ZMYM1: variants seen among roughly 807,000 people sequenced by gnomAD.
ZMYM1 encodes the protein zinc finger MYM-type containing 1.
ZMYM1 carries 39 observed loss-of-function variants against 60.0 expected under a neutral mutation model. The observed-to-expected ratio is 0.65, with a 90% CI of 0.50 to 0.85. The LOEUF (loss-of-function observed/expected upper bound fraction) is 0.85, where lower values mean the gene tolerates loss of function less well. Among genes scored for constraint, ZMYM1 ranks in the 40% least tolerant of loss-of-function variants. ZMYM1 has a pLI of 0.00. For missense variants in ZMYM1, 1,171 were observed against 1,309.5 expected, an observed-to-expected ratio of 0.89 and a Z score of 1.63; for synonymous variants, 413 against 454.0, an observed-to-expected ratio of 0.91 and a Z score of 1.15.
At chr1:35,067,107 T>C (rs1313525781) in intron 1 of ZMYM1, among the ~76,000 whole-genome samples, 2 of 151,948 alleles carry the variant, frequency 1.3e-5, no homozygotes, top group African/African-American at 4.8e-5. Context: ...GCCTCCTGAG[T>C]AGCTGGGATT....
intron 1 of ZMYM1, among the ~76,000 whole-genome samples, chr1:35,089,965 C>T (rs1226929921): frequency 2.0e-5 from 3 of 148,044 alleles, no homozygotes; most frequent in East Asian, 2.0e-4. Flanking sequence ...AGTGTAGTGG[C>T]GCGATCTCGG....
At chr1:35,060,417 C>A (rs1017192303) in intron 1 of ZMYM1, among the ~76,000 whole-genome samples, 20 of 152,118 alleles carry the variant, frequency 1.3e-4, no homozygotes, top group African/African-American at 4.8e-4. Context: ...CCCTCGGCCT[C>A]CCAAAGTGCT....
chr1:35,079,849 A>C (rs114888398), intron 1 of ZMYM1, among the ~76,000 whole-genome samples: 4,730 of 152,292 alleles, frequency 0.031, 258 homozygotes, highest in African/African-American at 0.11. Flanking sequence ...TGGTGCCTCA[A>C]GCCTGTAATC....
upstream of ZMYM1, among the ~76,000 whole-genome samples, chr1:35,077,385 G>A (rs1469159628): frequency 6.6e-6 from 1 of 152,144 alleles, no homozygotes; most frequent in Non-Finnish European, 1.5e-5. Flanking sequence ...TTAGTTTATA[G>A]TTTAAAACAA....
chr1:35,072,892 G>A (rs1470248445), intron 1 of ZMYM1, among the ~76,000 whole-genome samples: 1 of 152,066 alleles, frequency 6.6e-6, no homozygotes, highest in African/African-American at 2.4e-5. Flanking sequence ...GACCAGCCTG[G>A]CCAATGTGGT....
chr1:35,082,254 C>T (rs552349099), intron 1 of ZMYM1, among the ~76,000 whole-genome samples: 3 of 139,418 alleles, frequency 2.2e-5, no homozygotes, highest in African/African-American at 8.2e-5. Context: ...GTTTCTTTTG[C>T]GGGGGGTGAG....
chr1:35,104,831 A>T, intron 6 of ZMYM1, 62 bp downstream of exon 6: 3 of 1,420,954 alleles, frequency 2.1e-6, no homozygotes, highest in Non-Finnish European at 2.9e-6. Flanking sequence ...CACTCTAGGA[A>T]AATGTGGGAA....
chr1:35,097,235 AAAG>A, intron 3 of ZMYM1, 79 bp from the exon 4 acceptor site: 1 of 1,472,654 alleles, frequency 6.8e-7, no homozygotes, highest in Non-Finnish European at 9.1e-7. Context: ...GTCTCTAAAA[AAAG>A]AAAGAAAGAA....
intron 3 of ZMYM1, among the ~76,000 whole-genome samples, chr1:35,096,110 C>T (rs1367133228): frequency 6.6e-5 from 10 of 151,874 alleles, no homozygotes; most frequent in Non-Finnish European, 1.0e-4. Flanking sequence ...GTCAGGAATT[C>T]GAGACCAGTT....
At chr1:35,108,600 G>A (rs759875820) in intron 6 of ZMYM1, among the ~76,000 whole-genome samples, 3 of 151,762 alleles carry the variant, frequency 2.0e-5, no homozygotes, top group Non-Finnish European at 4.4e-5. Context: ...TGATCTGCCC[G>A]CCTCGGCCTG....
downstream of ZMYM1, among the ~76,000 whole-genome samples, chr1:35,116,191 C>T (rs1644247235): frequency 1.3e-5 from 2 of 152,136 alleles, no homozygotes; most frequent in South Asian, 4.1e-4. Context: ...GCCATGATTG[C>T]ACCACTATGC....
At chr1:35,100,437 C>A (rs1240923698) in intron 4 of ZMYM1, among the ~76,000 whole-genome samples, 1 of 151,826 alleles carries the variant, frequency 6.6e-6, no homozygotes, top group African/African-American at 2.4e-5. Context: ...GTCTAGCCAA[C>A]ACCACAAATC....
chr1:35,106,946 G>A (rs113577653), intron 6 of ZMYM1, among the ~76,000 whole-genome samples: 2 of 151,610 alleles, frequency 1.3e-5, no homozygotes, highest in African/African-American at 4.8e-5. Flanking sequence ...CCGCCTCGCG[G>A]GTTCACGCCA....
chr1:35,081,054 G>A (rs960477648), intron 1 of ZMYM1, among the ~76,000 whole-genome samples: 8 of 151,858 alleles, frequency 5.3e-5, no homozygotes, highest in African/African-American at 1.9e-4. Context: ...TGATTCTCCT[G>A]CCTCAGCCTC....
Position 35,114,384 on chromosome 1 carries a change from T to C in ZMYM1, c.2554T>C (p.Leu852=), listed in dbSNP as rs756919191. The change falls in exon 10 of 10, where the codon TTG becomes CTG. Residue 852 remains leucine, a synonymous_variant. Coordinates refer to ENST00000359858, the MANE Select transcript of ZMYM1 (RefSeq NM_024772.5). The part of the protein sequence containing the change: ...FADELSHLLT[L]VSKFEFVFCL... ...CGATGAATTGAGTCATTTGCTGACA[T>C]TGGTTTCCAAATTTGAATTTGTCTT... 3.1e-6 allele frequency: 5 copies of C among 1,613,136 alleles called. No homozygotes were observed. In the South Asian group the frequency reaches 3.3e-5, roughly 11 times the overall value.
At chr1:35,110,172 TA>T in intron 6 of ZMYM1, 121 bp from the exon 7 acceptor site, 1 of 734,658 alleles carries the variant, frequency 1.4e-6, no homozygotes, top group Non-Finnish European at 1.9e-6. Context: ...TAAGAAAATG[TA>T]AAAACTGTCT....
chr1:35,073,346 G>GAAGGAAGGAAGA (rs1353465181), intron 1 of ZMYM1, among the ~76,000 whole-genome samples: 1 of 141,618 alleles, frequency 7.1e-6, no homozygotes, highest in Non-Finnish European at 1.5e-5. Context: ...AGAAAGGAAG[G>GAAGGAAGGAAGA]AAGGAAGGAA....
At chr1:35,078,029 C>T (rs901938322), upstream of ZMYM1, among the ~76,000 whole-genome samples, 2 of 152,132 alleles carry the variant, frequency 1.3e-5, no homozygotes, top group Non-Finnish European at 2.9e-5. Flanking sequence ...TAACTTGGGG[C>T]AAATTACCTT....
At chr1:35,108,105 C>T (rs1417317288) in intron 6 of ZMYM1, among the ~76,000 whole-genome samples, 2 of 152,068 alleles carry the variant, frequency 1.3e-5, no homozygotes, top group Non-Finnish European at 2.9e-5. Context: ...GAGCAAGACT[C>T]TGTCTCAAAA....
Sources: allele counts gnomAD v4.1 joint callset (sites outside exome capture counted in the v4.1 genomes callset), GRCh38; gene constraint gnomAD v4.1.1; transcripts MANE v1.5; gene names NCBI Gene and HGNC (gene_info 2026-07-23, HGNC 2026-07-21).